HDAC2: variants seen among roughly 807,000 people sequenced by gnomAD.
HDAC2 encodes the protein histone deacetylase 2.
In HDAC2, 5 loss-of-function variants were observed where a neutral mutation model predicts 68.5. That is an observed-to-expected ratio of 0.07 (90% CI 0.04 to 0.15). The LOEUF (loss-of-function observed/expected upper bound fraction) is 0.15. Among genes scored for constraint, HDAC2 ranks in the 10% least tolerant of loss-of-function variants. The pLI, the probability that HDAC2 is intolerant of heterozygous loss-of-function variation, is 1.00. For synonymous variants in HDAC2, 182 were observed against 191.3 expected (o/e 0.95, Z 0.40); for missense variants, 291 against 600.8 (o/e 0.48, Z 5.39).
intron 5 of HDAC2, 96 bp downstream of exon 5, chr6:113,955,917 G>T: frequency 1.2e-6 from 1 of 842,438 alleles, no homozygotes; most frequent in South Asian, 2.3e-5. Context: ...TCAACCTATG[G>T]TTTACCTAAT....
intron 13 of HDAC2, 94 bp downstream of exon 13, chr6:113,941,604 GGTTCAGTCTA>G: frequency 2.2e-6 from 1 of 451,716 alleles, no homozygotes; most frequent in Non-Finnish European, 3.9e-6. Context: ...GATGTTCTAA[GGTTCAGTCTA>G]GTATTTCTGA....
chr6:113,934,483 A>G lies in HDAC2; in HGVS notation c.*6575T>C, dbSNP rs17075722. On this transcript the variant is annotated 3_prime_UTR_variant, in exon 14 of 14. Transcript: ENST00000519065. ...TCTTTACTTGTTGCTGCTCTAGATG[A>G]TGATGGTGTTTTGAGGTCAGGTCGG... 12,879 of 152,276 alleles carry G rather than the reference A, an allele frequency of 0.085. 698 individuals are homozygous for G. Among genetic ancestry groups the G allele is most frequent in the East Asian group, 0.27 (1,423 of 5,176 alleles). The allele number at this position is 152,276 out of a possible 1,614,324, so 9.4% of individuals were successfully genotyped here. A position where few individuals can be genotyped will look rare whatever the true frequency, so the allele number is the denominator to read the frequency against.
chr6:113,941,454 T>C (rs1471094259), intron 13 of HDAC2, among the ~76,000 whole-genome samples: 1 of 151,944 alleles, frequency 6.6e-6, no homozygotes, highest in Non-Finnish European at 1.5e-5. Flanking sequence ...ATATAAAAGA[T>C]AACAGCAAAA....
intron 5 of HDAC2, among the ~76,000 whole-genome samples, chr6:113,954,539 T>C (rs1419818654): frequency 6.6e-6 from 1 of 152,244 alleles, no homozygotes; most frequent in Non-Finnish European, 1.5e-5. Flanking sequence ...AAATTAAAGT[T>C]GTTTAAAACT....
chr6:113,957,804 T>C (rs1176713173), intron 3 of HDAC2, among the ~76,000 whole-genome samples: 2 of 152,148 alleles, frequency 1.3e-5, no homozygotes, highest in Admixed American at 6.5e-5. Context: ...ATAAGCTTAA[T>C]AGAACTCATT....
chr6:113,941,556 T>C (rs968600422), intron 13 of HDAC2, 152 bp downstream of exon 13: 4 of 412,130 alleles, frequency 9.7e-6, no homozygotes, highest in East Asian at 3.7e-5. Flanking sequence ...TGTTGTCTTA[T>C]GTACCAATAC....
At chr6:113,954,802 T>C (rs957194907) in intron 5 of HDAC2, among the ~76,000 whole-genome samples, 14 of 152,166 alleles carry the variant, frequency 9.2e-5, no homozygotes, top group African/African-American at 3.4e-4. Context: ...TAGCTCAGTA[T>C]AATACAAAGT....
chr6:113,965,083 T>C (rs1370362958), intron 1 of HDAC2, among the ~76,000 whole-genome samples: 1 of 152,254 alleles, frequency 6.6e-6, no homozygotes, highest in East Asian at 1.9e-4. Flanking sequence ...TTTGAGAGAA[T>C]GCATTCTATT....
At chr6:113,953,599 C>T (rs556290197) in intron 5 of HDAC2, among the ~76,000 whole-genome samples, 181 bp from the exon 6 acceptor site, 2 of 152,298 alleles carry the variant, frequency 1.3e-5, no homozygotes, top group Admixed American at 1.3e-4. Context: ...TTTAAATACC[C>T]ACTTGTGGCC....
At chr6:113,946,686 G>C (rs1025073742) in intron 8 of HDAC2, 1 of 151,974 alleles carries the variant, frequency 6.6e-6, no homozygotes, top group Non-Finnish European at 1.5e-5. Flanking sequence ...CAACTTCTAC[G>C]TGTAGAAATT....
rs552349196 is a variant in HDAC2, at chr6:113,941,105, T to C, written c.1437-17A>G. 3.7e-6 allele frequency: 6 copies of C among 1,603,878 alleles called. No homozygotes were observed. The African/African-American group carries it at 4.0e-5, about 11-fold the overall frequency. On this transcript the variant is annotated splice_polypyrimidine_tract_variant and intron_variant, in intron 13 of 13. Coordinates refer to ENST00000519065, the MANE Select transcript of HDAC2 (RefSeq NM_001527.4). ...GATTTGGTTCTGTTAAAAGAGGCAA[T>C]GTGAAATATTAAAAATGGCACAATC... is the stretch of plus-strand genomic sequence containing the variant.
chr6:113,942,660 T>C (rs939638690), intron 12 of HDAC2, among the ~76,000 whole-genome samples: 7 of 152,136 alleles, frequency 4.6e-5, no homozygotes, highest in African/African-American at 1.4e-4. Context: ...CTCAGTCTAG[T>C]AGGGAGACAA....
rs1235940407 is a variant in HDAC2 at position 113,938,691 on chromosome 6, TCTTA to T, written c.*2363_*2366del. The T allele has an allele frequency of 1.3e-5, 2 of 152,212 alleles. No homozygotes were observed. Among genetic ancestry groups the T allele is most frequent in the Non-Finnish European group, 2.9e-5 (2 of 68,038 alleles). 9.4% of individuals were successfully genotyped at this position (152,212 alleles called of 1,614,324 possible). ...TTTAAAGTATTAGGGTATTCTGACA[TCTTA>T]CTATGTTACATTGACCTTACTAGAC... On this transcript the variant is annotated 3_prime_UTR_variant, in exon 14 of 14. Transcript: ENST00000519065.
chr6:113,952,652 G>C (rs1776447166), intron 6 of HDAC2, among the ~76,000 whole-genome samples: 1 of 152,036 alleles, frequency 6.6e-6, no homozygotes, highest in African/African-American at 2.4e-5. Context: ...GTGTAGTGAG[G>C]CAAAAAACCT....
intron 1 of HDAC2, chr6:113,969,849 A>G (rs1402492916): frequency 6.6e-6 from 1 of 152,232 alleles, no homozygotes; most frequent in African/African-American, 2.4e-5. Context: ...AAGTTTTCCC[A>G]TACCAGGATT....
At chr6:113,947,470 C>CAA (rs1776290178) in intron 8 of HDAC2, 1 of 152,092 alleles carries the variant, frequency 6.6e-6, no homozygotes, top group South Asian at 2.1e-4. Context: ...ACGCTTTATG[C>CAA]AACTGAAACT....
rs1775938114 is a variant in HDAC2, at chr6:113,933,650, T to A, written c.*7408A>T. The A allele has an allele frequency of 6.6e-6, 1 of 151,984 alleles. No homozygotes were observed. The highest frequency in any genetic ancestry group is 1.5e-5 in the Non-Finnish European group (1 of 68,000). 9.4% of individuals were successfully genotyped at this position (151,984 alleles called of 1,614,324 possible). A position where few individuals can be genotyped will look rare whatever the true frequency, so the allele number is the denominator to read the frequency against. On this transcript the variant is annotated 3_prime_UTR_variant, in exon 14 of 14. Transcript: ENST00000519065. ...CACTGTTCTAGACACTGGAGATTAA[T>A]CCCCAGTGGAGTGTAAGACAAACAA...
In HDAC2 at chr6:113,970,945, C is replaced by CCTGCTGCTGCTGCTGCTG. The variant is rs528988883; in HGVS notation, c.-55_-38dup. The stretch of plus-strand genomic sequence containing the variant: ...CCACCGCCGCCACCGGGCTCCTCCT[C>CCTGCTGCTGCTGCTGCTG]CTGCTGCTGCTGCTGCTGCTGCTGC... On this transcript the variant is annotated 5_prime_UTR_variant, in exon 1 of 14. Transcript: ENST00000519065. 2 of 1,544,164 alleles carry CCTGCTGCTGCTGCTGCTG rather than the reference C, an allele frequency of 1.3e-6. No homozygotes were observed. Among genetic ancestry groups the CCTGCTGCTGCTGCTGCTG allele is most frequent in the South Asian group, 1.2e-5 (1 of 83,650 alleles).
intron 6 of HDAC2, 46 bp from the exon 7 acceptor site, chr6:113,949,306 A>C (rs771016224): frequency 8.2e-7 from 1 of 1,222,074 alleles, no homozygotes; most frequent in Admixed American, 1.8e-5. Context: ...TCTATAATAA[A>C]AAGTTTGGCA....
Sources: gnomAD v4.1 joint callset for allele counts (sites outside exome capture counted in the v4.1 genomes callset) on GRCh38, gnomAD v4.1.1 for gene constraint, MANE v1.5 for transcripts, NCBI Gene and HGNC (gene_info 2026-07-23, HGNC 2026-07-21) for gene names.